AKAP6: variants seen among roughly 807,000 people sequenced by gnomAD.
The protein encoded by AKAP6 is A-kinase anchoring protein 6.
A neutral mutation model predicts 188.5 loss-of-function variants in AKAP6; 58 were observed. The observed-to-expected ratio is 0.31, with a 90% CI of 0.25 to 0.38. The LOEUF is 0.38. AKAP6 is among the 10% of genes least tolerant of loss of function. AKAP6 has a pLI of 1.00. For synonymous variants in AKAP6, 989 were observed against 998.6 expected (o/e 0.99, Z 0.18); for missense variants, 2,710 against 2,740.0 (o/e 0.99, Z 0.24).
Position 32,821,728 on chromosome 14 carries a change from G to A in AKAP6, c.3915G>A (p.Leu1305=), listed in dbSNP as rs1319137660. The change falls in exon 13 of 14, where the codon CTG becomes CTA. Residue 1305 remains leucine, a synonymous_variant. Transcript: ENST00000280979. ...ATGAGGACAACCACATGCCATTTCT[G>A]AAAAACAATCCAAAGGTCACTGGCA... ...ELYEDNHMPF[L]KNNPKVTGMT... is the part of the protein sequence containing the mutation. 6.2e-7 allele frequency: 1 copy of A among 1,613,650 alleles called. No individual in the cohort carries two copies. Among genetic ancestry groups the A allele is most frequent in the Non-Finnish European group, 8.5e-7 (1 of 1,179,912 alleles).
At chr14:32,810,967 C>T (rs1043990061) in intron 12 of AKAP6, among the ~76,000 whole-genome samples, 13 of 152,202 alleles carry the variant, frequency 8.5e-5, no homozygotes, top group South Asian at 2.1e-4. Flanking sequence ...TGGCTGGGTG[C>T]GGTGGCTCAC....
intron 12 of AKAP6, among the ~76,000 whole-genome samples, chr14:32,790,267 G>A (rs2033568122): frequency 6.6e-6 from 1 of 152,196 alleles, no homozygotes; most frequent in South Asian, 2.1e-4. Flanking sequence ...GAAAGAGACA[G>A]GGAGAATGGA....
chr14:32,777,789 G>A (rs181919942), intron 12 of AKAP6, among the ~76,000 whole-genome samples: 1 of 152,182 alleles, frequency 6.6e-6, no homozygotes, highest in Non-Finnish European at 1.5e-5. Flanking sequence ...TGTAATTCCA[G>A]CACTTTGGTA....
chr14:32,401,891 A>G (rs1002957945), intron 1 of AKAP6: 5 of 152,218 alleles, frequency 3.3e-5, no homozygotes, highest in African/African-American at 1.2e-4. Flanking sequence ...GATTGCAAAG[A>G]AAATAAAAAG....
intron 12 of AKAP6, among the ~76,000 whole-genome samples, chr14:32,791,987 T>A (rs2033624175): frequency 6.6e-6 from 1 of 152,188 alleles, no homozygotes; most frequent in Non-Finnish European, 1.5e-5. Flanking sequence ...TATATCTCTG[T>A]TTTGGTACCA....
At chr14:32,355,286 G>A (rs1887441527) in intron 1 of AKAP6, among the ~76,000 whole-genome samples, 1 of 152,076 alleles carries the variant, frequency 6.6e-6, no homozygotes, top group Non-Finnish European at 1.5e-5. Flanking sequence ...ATTTTCTGTT[G>A]TTGTATGTAA....
At chr14:32,331,421 T>C (rs1053310245) in intron 1 of AKAP6, among the ~76,000 whole-genome samples, 3 of 152,030 alleles carry the variant, frequency 2.0e-5, no homozygotes, top group African/African-American at 7.2e-5. Flanking sequence ...AGTTATCTAG[T>C]GGAACATCCT....
intron 2 of AKAP6, among the ~76,000 whole-genome samples, chr14:32,493,792 C>G (rs1237467791): frequency 6.6e-6 from 1 of 152,016 alleles, no homozygotes; most frequent in Admixed American, 6.6e-5. Flanking sequence ...TGTTAAGGGC[C>G]CAGTGCTGTT....
At chr14:32,514,204 A>G (rs1413598132) in intron 2 of AKAP6, among the ~76,000 whole-genome samples, 8 of 152,214 alleles carry the variant, frequency 5.3e-5, no homozygotes, top group Non-Finnish European at 8.8e-5. Context: ...TCTAATTTTC[A>G]GAACCTTAAC....
chr14:32,591,516 C>A (rs10483412), intron 5 of AKAP6, among the ~76,000 whole-genome samples: 38,661 of 148,684 alleles, frequency 0.26, 6,060 homozygotes, highest in South Asian at 0.36. Flanking sequence ...TAAATTGTAA[C>A]TTGTGTAACT....
At chr14:32,654,357 T>C (rs944851848) in intron 7 of AKAP6, among the ~76,000 whole-genome samples, 4 of 152,156 alleles carry the variant, frequency 2.6e-5, no homozygotes, top group Non-Finnish European at 5.9e-5. Context: ...CCCTAGCGGA[T>C]GTTCTGTTGT....
chr14:32,556,349 G>GT (rs1566573962), intron 4 of AKAP6, among the ~76,000 whole-genome samples: 2 of 151,488 alleles, frequency 1.3e-5, no homozygotes, highest in African/African-American at 2.4e-5. Flanking sequence ...TTCTTTTTTT[G>GT]TTTTTTTAAT....
chr14:32,468,241 G>T, intron 2 of AKAP6, among the ~76,000 whole-genome samples: 1 of 152,130 alleles, frequency 6.6e-6, no homozygotes, highest in East Asian at 1.9e-4. Flanking sequence ...ATTTACTGAT[G>T]ACATTAATGA....
chr14:32,517,858 G>A (rs1373976408), intron 2 of AKAP6, among the ~76,000 whole-genome samples: 1 of 152,214 alleles, frequency 6.6e-6, no homozygotes, highest in East Asian at 1.9e-4. Flanking sequence ...GGTTCTCCTA[G>A]CACGGAGTTT....
At chr14:32,489,366 G>A (rs190715860) in intron 2 of AKAP6, among the ~76,000 whole-genome samples, 12 of 152,088 alleles carry the variant, frequency 7.9e-5, no homozygotes, top group Admixed American at 5.9e-4. Flanking sequence ...ATGCCACCAC[G>A]TCTAGCTAAT....
chr14:32,699,249 A>G (rs1006165205), intron 9 of AKAP6, among the ~76,000 whole-genome samples: 5 of 152,186 alleles, frequency 3.3e-5, no homozygotes, highest in Non-Finnish European at 2.9e-5. Flanking sequence ...TACAGATTGT[A>G]TGAAATACAG....
intron 4 of AKAP6, among the ~76,000 whole-genome samples, chr14:32,567,919 G>C (rs1308417258): frequency 6.6e-6 from 1 of 151,878 alleles, no homozygotes; most frequent in African/African-American, 2.4e-5. Flanking sequence ...AAAAAAGAAA[G>C]AAACAATGAG....
At position 32,735,693 on chromosome 14, in the gene AKAP6, A is replaced by G; in HGVS notation, c.3183A>G (p.Ala1061=). ...TLGEKIQDTM[A]GHSGSSPRDL... ...GAGAGAAGATCCAGGACACAATGGC[A>G]GGGCACAGTGGGTCGAGTCCACGTG... is the stretch of plus-strand genomic sequence containing the variant. The change falls in exon 11 of 14, where the codon GCA becomes GCG. Residue 1061 remains alanine (A), a synonymous_variant. Transcript: ENST00000280979. 1 of 1,612,524 alleles carries G rather than the reference A, an allele frequency of 6.2e-7. No homozygotes were observed. The highest frequency in any genetic ancestry group is 8.5e-7 in the Non-Finnish European group (1 of 1,179,438).
rs1205114144 is a variant in AKAP6 at position 32,433,790 on chromosome 14, T to A, written c.297T>A (p.His99Gln). Residue 99 changes from histidine to glutamine, a missense_variant, in exon 2 of 14, where the codon CAT becomes CAA. This residue lies in a region of AKAP6 where 237 missense variants were observed against 313.9 expected (regional missense o/e 0.76). Transcript: ENST00000280979. ...YSVQQDSDSK[H>Q]VDVHLVQLKD... ...TCCAGCAGGATTCGGACAGCAAGCA[T>A]GTGGATGTACATCTAGTTCAACTAA... The A allele has an allele frequency of 6.2e-7, 1 of 1,613,866 alleles. No homozygotes were observed. The highest frequency in any genetic ancestry group is 8.5e-7 in the Non-Finnish European group (1 of 1,179,978).
Sources: gnomAD v4.1 joint callset for allele counts (sites outside exome capture counted in the v4.1 genomes callset) on GRCh38, gnomAD v4.1.1 for gene constraint, gnomAD v4.1.1 regional missense constraint, MANE v1.5 for transcripts, NCBI Gene and HGNC (gene_info 2026-07-23, HGNC 2026-07-21) for gene names.